Variants in CDH18 observed in about 807,000 individuals in gnomAD.
CDH18 encodes cadherin 18, also known as cadherin-18.
Under a neutral mutation model 67.9 loss-of-function variants are expected in CDH18, and 31 were observed. That is an observed-to-expected ratio of 0.46 (90% confidence interval 0.34 to 0.62). The LOEUF (loss-of-function observed/expected upper bound fraction) is 0.62. CDH18 is among the 20% of genes least tolerant of loss of function. CDH18 has a pLI of 0.01. For missense variants in CDH18, 890 were observed against 975.5 expected (o/e 0.91, Z 1.17); for synonymous variants, 362 against 347.2 (o/e 1.04, Z -0.48).
chr5:19,852,404 C>G (rs1352190208), intron 2 of CDH18, among the ~76,000 whole-genome samples: 2 of 151,990 alleles, frequency 1.3e-5, no homozygotes, highest in African/African-American at 4.8e-5. Flanking sequence ...TTAGCATCAT[C>G]AGTAAACAGT....
chr5:20,028,799 C>T (rs1739138681), intron 2 of CDH18, among the ~76,000 whole-genome samples: 1 of 152,090 alleles, frequency 6.6e-6, no homozygotes, highest in Non-Finnish European at 1.5e-5. Context: ...TTACAATTTG[C>T]TTATTTCTGC....
intron 1 of CDH18, among the ~76,000 whole-genome samples, chr5:20,350,207 T>A (rs1429930675): frequency 6.6e-6 from 1 of 152,168 alleles, no homozygotes; most frequent in Non-Finnish European, 1.5e-5. Flanking sequence ...ATATATCTCA[T>A]AATAATACCT....
intron 2 of CDH18, among the ~76,000 whole-genome samples, chr5:19,903,972 G>A (rs763574119): frequency 2.0e-5 from 3 of 151,906 alleles, no homozygotes; most frequent in South Asian, 2.1e-4. Flanking sequence ...AACTAACAGC[G>A]TATACGAAAT....
intron 2 of CDH18, among the ~76,000 whole-genome samples, chr5:20,226,933 A>G (rs1197076823): frequency 6.6e-6 from 1 of 152,088 alleles, no homozygotes; most frequent in African/African-American, 2.4e-5. Flanking sequence ...GGCTGGGTAT[A>G]AACAATTGTT....
At chr5:20,229,915 G>A (rs1741931630) in intron 2 of CDH18, among the ~76,000 whole-genome samples, 2 of 152,026 alleles carry the variant, frequency 1.3e-5, no homozygotes, top group Non-Finnish European at 2.9e-5. Context: ...ATTTTCTCTA[G>A]GATCTAGCAC....
chr5:19,602,460 A>C (rs1037803178), intron 6 of CDH18, among the ~76,000 whole-genome samples: 30 of 150,794 alleles, frequency 2.0e-4, no homozygotes, highest in African/African-American at 7.0e-4. Context: ...AACACTGCAA[A>C]ACACACACAC....
chr5:20,076,159 T>C (rs1234364587), intron 2 of CDH18, among the ~76,000 whole-genome samples: 1 of 152,138 alleles, frequency 6.6e-6, no homozygotes, highest in East Asian at 1.9e-4. Context: ...TATTTTTCCA[T>C]GTTGTTTTAT....
intron 5 of CDH18, among the ~76,000 whole-genome samples, chr5:19,679,740 C>T (rs761709446): frequency 1.2e-4 from 18 of 151,592 alleles, no homozygotes; most frequent in South Asian, 2.1e-4. Context: ...AGTGTAGAGG[C>T]GGAAGATCTC....
chr5:20,570,049 C>A (rs574672044), intron 1 of CDH18, among the ~76,000 whole-genome samples: 7 of 152,030 alleles, frequency 4.6e-5, no homozygotes, highest in Non-Finnish European at 7.4e-5. Flanking sequence ...CTAGGTGGTG[C>A]ACAGGAGAAT....
In CDH18 at chr5:19,730,210, T is replaced by C. The variant is rs1194738137; in HGVS notation, c.524-8744A>G. Among the ~76,000 whole-genome samples, 4 of 152,222 alleles carry C rather than the reference T, an allele frequency of 2.6e-5. No homozygotes were observed. The East Asian group carries it at 7.7e-4, about 29-fold the overall frequency. The stretch of plus-strand genomic sequence containing the variant: ...CAGTGATTGTTTCACAGGGTACTAT[T>C]TGACTTTTCAGTCCCTCCATTTTTG... On this transcript the variant is annotated intron_variant, in intron 4 of 12. Transcript: ENST00000382275.
chr5:19,773,398 T>C (rs560606705), intron 3 of CDH18, among the ~76,000 whole-genome samples: 8 of 152,234 alleles, frequency 5.3e-5, no homozygotes, highest in Admixed American at 3.9e-4. Context: ...AGAAGCAAAA[T>C]TGAACTTTAG....
intron 2 of CDH18, among the ~76,000 whole-genome samples, chr5:19,958,980 T>A (rs2150293821): frequency 6.6e-6 from 1 of 152,218 alleles, no homozygotes; most frequent in Admixed American, 6.6e-5. Flanking sequence ...TTACTCTTAT[T>A]TGATTAACTC....
intron 2 of CDH18, among the ~76,000 whole-genome samples, chr5:20,010,159 GGTGTGTGTGTGTGT>G (rs35461877): frequency 9.6e-5 from 14 of 146,296 alleles, no homozygotes; most frequent in Middle Eastern, 3.2e-3. Flanking sequence ...AGTGGAAAGT[GGTGTGTGTGTGTGT>G]GTGTGTGTGT....
At chr5:19,480,173 C>A (rs1204446020) in intron 12 of CDH18, among the ~76,000 whole-genome samples, 1 of 151,882 alleles carries the variant, frequency 6.6e-6, no homozygotes, top group East Asian at 1.9e-4. Flanking sequence ...AAAATCCCTG[C>A]GTTCTATTCT....
intron 3 of CDH18, among the ~76,000 whole-genome samples, chr5:19,796,116 TG>T (rs1215425804): frequency 6.6e-6 from 1 of 152,030 alleles, no homozygotes; most frequent in East Asian, 1.9e-4. Flanking sequence ...ACTAAAATTC[TG>T]GGATAAAATG....
intron 5 of CDH18, among the ~76,000 whole-genome samples, chr5:19,688,535 A>G (rs1443710245): frequency 2.0e-5 from 3 of 152,152 alleles, no homozygotes; most frequent in African/African-American, 7.2e-5. Flanking sequence ...ACATCTTTAT[A>G]AAAAAGTCTT....
At chr5:19,655,148 C>A (rs949227901) in intron 5 of CDH18, among the ~76,000 whole-genome samples, 3 of 152,102 alleles carry the variant, frequency 2.0e-5, no homozygotes, top group African/African-American at 7.2e-5. Context: ...TATTTCCCTT[C>A]CTCTGTAGCA....
intron 2 of CDH18, among the ~76,000 whole-genome samples, chr5:20,216,060 A>G (rs901243891): frequency 1.3e-5 from 2 of 152,018 alleles, no homozygotes; most frequent in African/African-American, 4.8e-5. Context: ...AATAATCTGT[A>G]TAATAAACCC....
chr5:20,359,961 T>A (rs887673214), intron 1 of CDH18, among the ~76,000 whole-genome samples: 5 of 150,952 alleles, frequency 3.3e-5, no homozygotes, highest in African/African-American at 1.2e-4. Context: ...TATTAAAAAA[T>A]TTATCCAATA....
Sources: allele counts gnomAD v4.1 joint callset (sites outside exome capture counted in the v4.1 genomes callset), GRCh38; gene constraint gnomAD v4.1.1; transcripts MANE v1.5; gene names NCBI Gene and HGNC (gene_info 2026-07-23, HGNC 2026-07-21).